Variants in PPP1R2 observed in about 807,000 individuals in gnomAD.
PPP1R2 encodes protein phosphatase 1 regulatory inhibitor subunit 2, also known as protein phosphatase inhibitor 2.
In PPP1R2, 16 loss-of-function variants were observed where a neutral mutation model predicts 29.9. The ratio of observed to expected loss-of-function variants is 0.53; its 90% CI spans 0.36 to 0.81. PPP1R2 has a LOEUF of 0.81. PPP1R2 is among the 30% of genes least tolerant of loss of function. The probability of loss-of-function intolerance (pLI) is 0.00; values close to 1 mark genes in which losing one functional copy is unlikely to be tolerated. For missense variants in PPP1R2, 197 were observed against 252.7 expected (o/e 0.78, Z 1.49); for synonymous variants, 76 against 91.5 (o/e 0.83, Z 0.96).
At chr3:195,536,024 C>T (rs868099315) in intron 1 of PPP1R2, among the ~76,000 whole-genome samples, 3 of 152,212 alleles carry the variant, frequency 2.0e-5, no homozygotes, top group Middle Eastern at 3.4e-3. Flanking sequence ...CACTTCCTTA[C>T]GATTTTAACA....
intron 4 of PPP1R2, 63 bp downstream of exon 4, chr3:195,523,629 A>T: frequency 1.5e-6 from 2 of 1,329,594 alleles, no homozygotes; most frequent in Non-Finnish European, 2.1e-6. Flanking sequence ...TCTTCCAAAT[A>T]ATGGATTTAT....
At chr3:195,530,538 T>C (rs1039074243) in intron 1 of PPP1R2, among the ~76,000 whole-genome samples, 13 of 152,266 alleles carry the variant, frequency 8.5e-5, no homozygotes, top group Admixed American at 4.6e-4. Context: ...ATTTTTGTTT[T>C]GTTTTGAGAC....
At chr3:195,517,046 A>T in intron 5 of PPP1R2, 104 bp from the exon 6 acceptor site, 1 of 888,462 alleles carries the variant, frequency 1.1e-6, no homozygotes, top group South Asian at 1.5e-5. Flanking sequence ...TAAAAATTTT[A>T]AAAACAAATA....
intron 1 of PPP1R2, among the ~76,000 whole-genome samples, chr3:195,531,037 G>A (rs2108948153): frequency 6.6e-6 from 1 of 151,810 alleles, no homozygotes; most frequent in South Asian, 2.1e-4. Context: ...TGGCCAGGCT[G>A]GTCTTGAACT....
rs746392155 is a variant in PPP1R2, at chr3:195,516,980, T to A, written c.572-38A>T. On this transcript the variant is annotated intron_variant, in intron 5 of 5. Transcript: ENST00000618156. ...AAGAAAAAGTCAACATAATTTGTTATATGTTGTCAACCCTGGCTAAAGTTC... is the reference window on the plus strand; with the variant it reads ...AAGAAAAAGTCAACATAATTTGTTAAATGTTGTCAACCCTGGCTAAAGTTC... The A allele has an allele frequency of 6.4e-6, 10 of 1,570,988 alleles. No individual in the cohort carries two copies. In the African/African-American group the frequency reaches 1.4e-4, roughly 21 times the overall value.
At chr3:195,520,322 T>G (rs1462518409) in intron 4 of PPP1R2, among the ~76,000 whole-genome samples, 1 of 152,192 alleles carries the variant, frequency 6.6e-6, no homozygotes, top group East Asian at 1.9e-4. Context: ...ACCATTGTTT[T>G]ATTAAAAATT....
chr3:195,529,597 A>G (rs1395581044), intron 2 of PPP1R2, 197 bp downstream of exon 2: 8 of 454,830 alleles, frequency 1.8e-5, no homozygotes, highest in Non-Finnish European at 2.7e-5. Context: ...TATAATGTAC[A>G]AAATGGCTTT....
chr3:195,530,103 A>G (rs751514226), intron 1 of PPP1R2, among the ~76,000 whole-genome samples: 8 of 152,234 alleles, frequency 5.3e-5, no homozygotes, highest in South Asian at 2.1e-4. Context: ...AATATAGAAC[A>G]CCTAGTGCCC....
intron 4 of PPP1R2, among the ~76,000 whole-genome samples, chr3:195,523,467 ATTACT>A (rs1258254148): frequency 1.3e-5 from 2 of 152,262 alleles, no homozygotes; most frequent in Admixed American, 1.3e-4. Context: ...AATACTTATA[ATTACT>A]TTAAAGATGG....
Position 195,514,554 on chromosome 3 carries a change from A to G in PPP1R2, c.*2342T>C, listed in dbSNP as rs755277905. The G allele has an allele frequency of 1.3e-5, 2 of 152,356 alleles. No individual in the cohort carries two copies. Among genetic ancestry groups the G allele is most frequent in the Non-Finnish European group, 1.5e-5 (1 of 68,034 alleles). 9.4% of individuals were successfully genotyped at this position (152,356 alleles called of 1,614,324 possible). A position where few individuals can be genotyped will look rare whatever the true frequency, so the allele number is the denominator to read the frequency against. ...ATCTTCAACTGAAAGTTACCTTAAC[A>G]ATCCATTTACACCATTATGTCAAAT... On this transcript the variant is annotated 3_prime_UTR_variant, in exon 6 of 6. Coordinates refer to ENST00000618156, the MANE Select transcript of PPP1R2 (RefSeq NM_006241.8).
intron 3 of PPP1R2, 73 bp downstream of exon 3, chr3:195,524,746 A>ACGCG: frequency 1.4e-6 from 2 of 1,412,020 alleles, no homozygotes; most frequent in Non-Finnish European, 2.0e-6. Context: ...AGGGACAGCC[A>ACGCG]CGCAGGCTGC....
chr3:195,539,327 T>C (rs1013802294), intron 1 of PPP1R2, among the ~76,000 whole-genome samples: 11 of 152,246 alleles, frequency 7.2e-5, no homozygotes, highest in Non-Finnish European at 1.6e-4. Flanking sequence ...GATTTATCTA[T>C]ACTTAGTTAT....
At chr3:195,542,883 G>C (rs1158161804) in intron 1 of PPP1R2, 21 bp downstream of exon 1, 3 of 1,589,198 alleles carry the variant, frequency 1.9e-6, no homozygotes, top group Non-Finnish European at 2.6e-6. Flanking sequence ...GGGCTCCCAG[G>C]CCGTCCCTCC....
At chr3:195,524,080 C>T (rs1289167667) in intron 3 of PPP1R2, among the ~76,000 whole-genome samples, 1 of 150,128 alleles carries the variant, frequency 6.7e-6, no homozygotes, top group African/African-American at 2.5e-5. Context: ...AGAACAAGGC[C>T]CTGTCTCAAA....
chr3:195,533,074 C>T (rs550048912), intron 1 of PPP1R2, among the ~76,000 whole-genome samples: 83 of 152,138 alleles, frequency 5.5e-4, no homozygotes, highest in African/African-American at 1.8e-3. Context: ...CTCTATGATG[C>T]GGCCAGGCAC....
At chr3:195,518,874 G>T in intron 5 of PPP1R2, 144 bp downstream of exon 5, 1 of 1,290,548 alleles carries the variant, frequency 7.7e-7, no homozygotes, top group Non-Finnish European at 1.1e-6. Context: ...GGCCATGCGG[G>T]TTAAAACTTT....
Position 195,516,734 on chromosome 3 carries a change from C to T in PPP1R2, c.*162G>A. On this transcript the variant is annotated 3_prime_UTR_variant, in exon 6 of 6. Transcript: ENST00000618156. Reference sequence around the variant, plus strand: ...AATATATATATCGATTAGGCATTTTCAGTCTAATCAGTCTCTAAGTTTATC... The same window carrying T: ...AATATATATATCGATTAGGCATTTTTAGTCTAATCAGTCTCTAAGTTTATC... The T allele has an allele frequency of 1.6e-6, 1 of 610,808 alleles. No homozygotes were observed. The highest frequency in any genetic ancestry group is 2.8e-5 in the East Asian group (1 of 36,192). The allele number at this position is 610,808 out of a possible 1,614,324, so 37.8% of individuals were successfully genotyped here.
chr3:195,520,681 CT>C (rs1458458866), intron 4 of PPP1R2, among the ~76,000 whole-genome samples: 1 of 151,848 alleles, frequency 6.6e-6, no homozygotes, highest in African/African-American at 2.4e-5. Context: ...GTACTTTCTT[CT>C]TTTTTTTAAA....
At chr3:195,520,656 A>G (rs900974335) in intron 4 of PPP1R2, among the ~76,000 whole-genome samples, 8 of 152,178 alleles carry the variant, frequency 5.3e-5, no homozygotes, top group African/African-American at 1.9e-4. Context: ...ACATCTCTCA[A>G]TAAGGGTATT....
Sources: gnomAD v4.1 joint callset for allele counts (sites outside exome capture counted in the v4.1 genomes callset) on GRCh38, gnomAD v4.1.1 for gene constraint, MANE v1.5 for transcripts, NCBI Gene and HGNC (gene_info 2026-07-23, HGNC 2026-07-21) for gene names.